Variants in RNF111 observed in about 807,000 individuals in gnomAD.
The protein encoded by RNF111 is E3 ubiquitin-protein ligase Arkadia.
In RNF111, 17 loss-of-function variants were observed where a neutral mutation model predicts 95.1. The observed-to-expected ratio is 0.18, with a 90% CI of 0.12 to 0.27. The LOEUF is 0.27. Among genes scored for constraint, RNF111 ranks in the 10% least tolerant of loss-of-function variants. The probability of loss-of-function intolerance (pLI) is 1.00; values close to 1 mark genes in which losing one functional copy is unlikely to be tolerated. For missense variants in RNF111, 1,189 were observed against 1,210.4 expected (o/e 0.98, Z 0.26); for synonymous variants, 440 against 414.8 (o/e 1.06, Z -0.74).
intron 6 of RNF111, among the ~76,000 whole-genome samples, chr15:59,073,162 G>A (rs898140803): frequency 6.6e-6 from 1 of 152,058 alleles, no homozygotes; most frequent in African/African-American, 2.4e-5. Context: ...AACACAGTGA[G>A]ACCTTGTCTC....
chr15:59,016,624 C>T (rs930133290), intron 1 of RNF111, among the ~76,000 whole-genome samples: 2 of 152,134 alleles, frequency 1.3e-5, no homozygotes, highest in African/African-American at 2.4e-5. Context: ...TCTACCCTAC[C>T]TATTTCAAAC....
chr15:58,990,947 A>T (rs1315944067), intron 1 of RNF111, among the ~76,000 whole-genome samples: 1 of 152,146 alleles, frequency 6.6e-6, no homozygotes, highest in African/African-American at 2.4e-5. Context: ...AGGTTTCTAC[A>T]GGTACTCAAT....
At position 59,058,498 on chromosome 15, in the gene RNF111, A is replaced by G. The variant is rs999829836; in HGVS notation, c.1314A>G (p.Ser438=). The change falls in exon 5 of 14, where the codon TCA becomes TCG. Residue 438 remains serine, a synonymous_variant. Transcript: ENST00000348370. ...CCAGTAGCCAACCTTCCACAGTGTC[A>G]GAGACTTCAGCTACTCTTACAAGCA... The part of the protein sequence containing the change: ...AVTSSQPSTV[S]ETSATLTSNS... The G allele has an allele frequency of 1.1e-5, 18 of 1,614,122 alleles. No individual in the cohort carries two copies. The highest frequency in any genetic ancestry group is 1.4e-5 in the Non-Finnish European group (17 of 1,179,980).
At chr15:59,046,190 T>C (rs550595651) in intron 2 of RNF111, among the ~76,000 whole-genome samples, 2 of 152,292 alleles carry the variant, frequency 1.3e-5, no homozygotes, top group African/African-American at 4.8e-5. Context: ...CTGCTTTTTT[T>C]TTTTTTTCCC....
At chr15:59,042,058 C>G (rs1566903602) in intron 2 of RNF111, among the ~76,000 whole-genome samples, 1 of 147,888 alleles carries the variant, frequency 6.8e-6, no homozygotes, top group Non-Finnish European at 1.5e-5. Context: ...CAATGTAAGT[C>G]CTATATAATA....
intron 1 of RNF111, among the ~76,000 whole-genome samples, chr15:58,997,190 TC>T (rs1179600579): frequency 6.6e-6 from 1 of 152,198 alleles, no homozygotes; most frequent in African/African-American, 2.4e-5. Context: ...ATTCTTATCT[TC>T]CTATGACCCA....
chr15:59,068,391 G>T (rs1381533645), intron 6 of RNF111, among the ~76,000 whole-genome samples: 1 of 152,220 alleles, frequency 6.6e-6, no homozygotes, highest in Non-Finnish European at 1.5e-5. Context: ...TGGATCACCT[G>T]AGGTCAGAAG....
chr15:58,991,428 A>G (rs1411765045), intron 1 of RNF111, among the ~76,000 whole-genome samples: 1 of 152,220 alleles, frequency 6.6e-6, no homozygotes, highest in Non-Finnish European at 1.5e-5. Flanking sequence ...CAGTGAAGGC[A>G]CTCTGCCTTC....
chr15:59,041,726 G>A (rs1165953720), intron 2 of RNF111, among the ~76,000 whole-genome samples: 2 of 152,146 alleles, frequency 1.3e-5, no homozygotes, highest in Non-Finnish European at 1.5e-5. Context: ...CATGGTGATT[G>A]TAACCATTCT....
At chr15:58,989,860 T>G (rs1426235433) in intron 1 of RNF111, among the ~76,000 whole-genome samples, 4 of 150,156 alleles carry the variant, frequency 2.7e-5, no homozygotes, top group Non-Finnish European at 5.9e-5. Flanking sequence ...ATTTAGATTT[T>G]TAGATGTTTC....
intron 8 of RNF111, 47 bp from the exon 9 acceptor site, chr15:59,084,082 A>G: frequency 6.6e-7 from 1 of 1,519,990 alleles, no homozygotes; most frequent in East Asian, 2.4e-5. Flanking sequence ...AGAAATAACC[A>G]ATTATTCAAT....
Position 58,997,422 on chromosome 15 carries a change from G to A in RNF111, c.-20+9354G>A, listed in dbSNP as rs562984430. On this transcript the variant is annotated intron_variant, in intron 1 of 13. Transcript: ENST00000348370. ...TTGCACTGATGGTGCAAAAAACAGT[G>A]GTGCATTAAACTAATGGCCCTGTAG... Among the ~76,000 whole-genome samples, 43 of 151,974 alleles carry A rather than the reference G, an allele frequency of 2.8e-4. 1 individual carries two copies. The highest frequency in any genetic ancestry group is 2.7e-3 in the South Asian group (13 of 4,804).
rs550635652 is a variant in RNF111, at chr15:59,052,880, A to G, written c.1007+449A>G. On this transcript the variant is annotated intron_variant, in intron 3 of 13. Transcript: ENST00000348370. Reference sequence around the variant, plus strand: ...TGAGAGTTAAGAGTTAATGCTCTGAATAAACAATAATTTTACTTAGTGTTT... The same window carrying G: ...TGAGAGTTAAGAGTTAATGCTCTGAGTAAACAATAATTTTACTTAGTGTTT... Among the ~76,000 whole-genome samples the G allele has an allele frequency of 1.2e-4, 19 of 152,346 alleles. No individual in the cohort carries two copies. The South Asian group carries it at 1.4e-3, about 12-fold the overall frequency.
chr15:58,998,190 A>G (rs2039168148), intron 1 of RNF111, among the ~76,000 whole-genome samples: 1 of 151,562 alleles, frequency 6.6e-6, no homozygotes, highest in Admixed American at 6.6e-5. Context: ...GGCATGAGCC[A>G]CCGTGTCTGG....
Position 58,995,541 on chromosome 15 carries a change from C to T in RNF111, c.-20+7473C>T, listed in dbSNP as rs1180824080. Among the ~76,000 whole-genome samples the T allele has an allele frequency of 2.6e-5, 4 of 151,898 alleles. No homozygotes were observed. The East Asian group carries it at 7.7e-4, about 29-fold the overall frequency. ...TGGCGCGATCTTGGCTCACTGCAAC[C>T]TCTGCCTCCCGGGTTCAAGCAATTC... On this transcript the variant is annotated intron_variant, in intron 1 of 13. Coordinates refer to ENST00000348370, the MANE Select transcript of RNF111 (RefSeq NM_017610.8).
intron 1 of RNF111, among the ~76,000 whole-genome samples, chr15:59,012,717 C>G (rs939818097): frequency 6.6e-6 from 1 of 150,984 alleles, no homozygotes. Context: ...CCTTTCTTTT[C>G]TCATGGTGGT....
chr15:59,018,150 A>T (rs2040159800), intron 1 of RNF111, among the ~76,000 whole-genome samples: 1 of 152,210 alleles, frequency 6.6e-6, no homozygotes, highest in Non-Finnish European at 1.5e-5. Flanking sequence ...AAATGGTTTG[A>T]TAAATTATTA....
At chr15:59,082,733 C>A (rs116402019) in intron 8 of RNF111, among the ~76,000 whole-genome samples, 5,288 of 152,216 alleles carry the variant, frequency 0.035, 152 homozygotes, top group African/African-American at 0.081. Flanking sequence ...CCGTTTTACC[C>A]TTCACATAAC....
intron 1 of RNF111, among the ~76,000 whole-genome samples, chr15:58,991,194 A>G (rs984882643): frequency 6.6e-6 from 1 of 152,070 alleles, no homozygotes; most frequent in Non-Finnish European, 1.5e-5. Context: ...TGGCTGCTCA[A>G]GAGGGTAAGG....
Sources: gnomAD v4.1 joint callset for allele counts (sites outside exome capture counted in the v4.1 genomes callset) on GRCh38, gnomAD v4.1.1 for gene constraint, MANE v1.5 for transcripts, NCBI Gene and HGNC (gene_info 2026-07-23, HGNC 2026-07-21) for gene names.